The following TAB2 variants were observed in gnomAD, a reference collection of about 807,000 sequenced individuals.
TAB2 encodes the protein TGF-beta activated kinase 1 (MAP3K7) binding protein 2.
TAB2 carries 3 observed loss-of-function variants against 65.0 expected under a neutral mutation model. The ratio of observed to expected loss-of-function variants is 0.05; its 90% CI spans 0.02 to 0.12. The LOEUF (loss-of-function observed/expected upper bound fraction) is 0.12. TAB2 is among the 10% of genes least tolerant of loss of function. The probability of loss-of-function intolerance (pLI) is 1.00; values close to 1 mark genes in which losing one functional copy is unlikely to be tolerated. For missense variants in TAB2, 623 were observed against 840.3 expected, an observed-to-expected ratio of 0.74 and a Z score of 3.20; for synonymous variants, 298 against 285.1, an observed-to-expected ratio of 1.05 and a Z score of -0.46.
intron 1 of TAB2, among the ~76,000 whole-genome samples, chr6:149,239,290 C>T (rs577838078): frequency 9.8e-5 from 15 of 152,286 alleles, no homozygotes; most frequent in African/African-American, 3.1e-4. Context: ...GACTTTAAAC[C>T]TGGCCTGGAG....
chr6:149,368,653 G>GTT (rs1781119196), intron 1 of TAB2, among the ~76,000 whole-genome samples: 1 of 149,598 alleles, frequency 6.7e-6, no homozygotes, highest in Non-Finnish European at 1.5e-5. Flanking sequence ...ATTTGTGTGT[G>GTT]TGTGTGTGTG....
chr6:149,270,192 C>T (rs1484683879), intron 1 of TAB2, among the ~76,000 whole-genome samples: 2 of 152,126 alleles, frequency 1.3e-5, no homozygotes, highest in African/African-American at 2.4e-5. Context: ...TAATTATTAG[C>T]GATGTAAAAC....
At chr6:149,383,336 G>C (rs899238259) in intron 3 of TAB2, among the ~76,000 whole-genome samples, 1 of 152,152 alleles carries the variant, frequency 6.6e-6, no homozygotes, top group African/African-American at 2.4e-5. Flanking sequence ...GGTTTCTCCA[G>C]AATCTGCCCC....
chr6:149,316,025 A>G (rs1336505183), upstream of TAB2, among the ~76,000 whole-genome samples: 3 of 152,256 alleles, frequency 2.0e-5, no homozygotes, highest in Non-Finnish European at 4.4e-5. Context: ...AAGACAAGTG[A>G]AATTTACTTA....
At position 149,276,337 on chromosome 6, in the gene TAB2, T is replaced by C. The variant is rs371638026; in HGVS notation, c.-121+57561T>C. Among the ~76,000 whole-genome samples, 9 of 152,226 alleles carry C rather than the reference T, an allele frequency of 5.9e-5. No homozygotes were observed. In the South Asian group the frequency reaches 1.4e-3, roughly 24 times the overall value. ...ATATGTTAATTGGTTTATACCTCTA[T>C]ATATTGGTTTGTATTCTATTGGAAG... On this transcript the variant is annotated intron_variant, in intron 1 of 1. Transcript: ENST00000606202.
chr6:149,334,293 TATCTCTACAAA>T (rs925294878), intron 1 of TAB2, among the ~76,000 whole-genome samples: 33 of 152,166 alleles, frequency 2.2e-4, no homozygotes, highest in African/African-American at 7.7e-4. Context: ...CACTACAGCG[TATCTCTACAAA>T]ATCTCTTGCC....
At chr6:149,343,465 C>G (rs1438168906) in intron 1 of TAB2, among the ~76,000 whole-genome samples, 3 of 148,496 alleles carry the variant, frequency 2.0e-5, no homozygotes. Flanking sequence ...GAGTGAGACT[C>G]CGTCTCAAAA....
chr6:149,355,725 T>G (rs1452295448), intron 1 of TAB2, among the ~76,000 whole-genome samples: 1 of 151,978 alleles, frequency 6.6e-6, no homozygotes, highest in Non-Finnish European at 1.5e-5. Flanking sequence ...TAGCATAAAT[T>G]CCTAAGAGAG....
At chr6:149,223,937 TTTAC>T (rs1366619871) in intron 1 of TAB2, among the ~76,000 whole-genome samples, 1 of 152,066 alleles carries the variant, frequency 6.6e-6, no homozygotes, top group Non-Finnish European at 1.5e-5. Context: ...CATAAATAAC[TTTAC>T]TTAAGTGAAT....
Position 149,378,029 on chromosome 6 carries a change from C to T in TAB2, c.114C>T (p.Asn38=), listed in dbSNP as rs757977002. 1.9e-6 allele frequency: 3 copies of T among 1,613,670 alleles called. No individual in the cohort carries two copies. Among genetic ancestry groups the T allele is most frequent in the South Asian group, 2.2e-5 (2 of 91,074 alleles). ...TTTTGTTTTCATAGAATAATAATAA[C>T]CTGGATGCCTGCTGTGCTGTTCTCT... is the stretch of plus-strand genomic sequence containing the variant. ...VSRCMLQNNN[N]LDACCAVLSQ... is the part of the protein sequence containing the mutation. The change falls in exon 3 of 7, where the codon AAC becomes AAT. Residue 38 remains asparagine (N), a synonymous_variant. Transcript: ENST00000637181.
intron 1 of TAB2, among the ~76,000 whole-genome samples, chr6:149,275,238 A>G (rs9377205): frequency 0.033 from 1,245 of 37,842 alleles, 16 homozygotes; most frequent in Admixed American, 0.12. Flanking sequence ...GAGAGAGAGA[A>G]AGAAAGAAAG....
intron 2 of TAB2, among the ~76,000 whole-genome samples, chr6:149,377,432 G>GA (rs906029673): frequency 6.6e-6 from 1 of 151,472 alleles, no homozygotes; most frequent in African/African-American, 2.4e-5. Flanking sequence ...AGTTCTTCTG[G>GA]AGGCTACCTT....
chr6:149,299,314 G>C (rs568247392), intron 1 of TAB2, among the ~76,000 whole-genome samples: 24 of 152,206 alleles, frequency 1.6e-4, no homozygotes, highest in African/African-American at 5.8e-4. Context: ...GCTCACGCCC[G>C]TAATCCCAGC....
chr6:149,406,618 A>G (rs1782673128), intron 6 of TAB2, among the ~76,000 whole-genome samples: 1 of 152,228 alleles, frequency 6.6e-6, no homozygotes, highest in African/African-American at 2.4e-5. Flanking sequence ...AGGAAGAACT[A>G]GTATATTACT....
At chr6:149,279,484 T>C (rs1186621226) in intron 1 of TAB2, among the ~76,000 whole-genome samples, 1 of 152,174 alleles carries the variant, frequency 6.6e-6, no homozygotes, top group African/African-American at 2.4e-5. Context: ...GGGTGATTTC[T>C]ACCCTTCAAG....
At chr6:149,234,881 ACACACTCTTTTT>A (rs1777468358) in intron 1 of TAB2, among the ~76,000 whole-genome samples, 12 of 147,856 alleles carry the variant, frequency 8.1e-5, no homozygotes, top group East Asian at 2.0e-4. Context: ...AAAAAAAAAA[ACACACTCTTTTT>A]AAAAAATGGC....
intron 1 of TAB2, among the ~76,000 whole-genome samples, chr6:149,357,421 G>GAAAA (rs1244546884): frequency 1.8e-5 from 2 of 108,426 alleles, no homozygotes; most frequent in African/African-American, 7.8e-5. Context: ...GTCTCAAGGA[G>GAAAA]AAAAAAAAAA....
chr6:149,386,820 A>G (rs1781823178), intron 3 of TAB2, among the ~76,000 whole-genome samples: 1 of 152,208 alleles, frequency 6.6e-6, no homozygotes, highest in Non-Finnish European at 1.5e-5. Context: ...TAGTGGCTGC[A>G]AAGTATTTAA....
intron 1 of TAB2, among the ~76,000 whole-genome samples, chr6:149,285,176 G>A (rs1295480603): frequency 1.3e-5 from 2 of 152,188 alleles, no homozygotes; most frequent in Admixed American, 6.5e-5. Flanking sequence ...GTTTGTTGGA[G>A]GATTAAATGA....
Sources: allele counts gnomAD v4.1 joint callset (sites outside exome capture counted in the v4.1 genomes callset), GRCh38; gene constraint gnomAD v4.1.1; transcripts MANE v1.5; gene names NCBI Gene and HGNC (gene_info 2026-07-23, HGNC 2026-07-21).